PCMTD1: variants seen among roughly 807,000 people sequenced by gnomAD.
The protein encoded by PCMTD1 is protein-L-isoaspartate O-methyltransferase domain-containing protein 1.
A neutral mutation model predicts 37.6 loss-of-function variants in PCMTD1; 12 were observed. The ratio of observed to expected loss-of-function variants is 0.32; its 90% CI spans 0.20 to 0.52. PCMTD1 has a LOEUF of 0.52. Ranked by LOEUF, PCMTD1 falls within the 20% of genes least tolerant of loss-of-function variation. PCMTD1 has a pLI of 0.97. For synonymous variants in PCMTD1, 117 were observed against 135.8 expected, an observed-to-expected ratio of 0.86 and a Z score of 0.96; for missense variants, 235 against 421.3, an observed-to-expected ratio of 0.56 and a Z score of 3.87.
chr8:51,845,971 G>C (rs1315648340), intron 2 of PCMTD1, among the ~76,000 whole-genome samples: 1 of 152,076 alleles, frequency 6.6e-6, no homozygotes, highest in Non-Finnish European at 1.5e-5. Flanking sequence ...AAGTTCGCCT[G>C]AGTTTTCTAT....
chr8:51,824,199 C>A (rs754718327), intron 5 of PCMTD1, among the ~76,000 whole-genome samples: 10 of 152,154 alleles, frequency 6.6e-5, no homozygotes, highest in African/African-American at 1.2e-4. Context: ...CTGGCCAAGG[C>A]AATCAGACAA....
intron 1 of PCMTD1, among the ~76,000 whole-genome samples, chr8:51,873,180 T>C (rs16916926): frequency 0.025 from 3,789 of 152,234 alleles, 159 homozygotes; most frequent in African/African-American, 0.086. Context: ...TTAAGTACCA[T>C]AGGAATAGAG....
At chr8:51,828,770 C>T (rs1247954106) in intron 5 of PCMTD1, among the ~76,000 whole-genome samples, 1 of 152,142 alleles carries the variant, frequency 6.6e-6, no homozygotes, top group Non-Finnish European at 1.5e-5. Flanking sequence ...ATAATGCATA[C>T]ACAGCCAAGT....
chr8:51,869,635 A>G (rs1283479702), intron 1 of PCMTD1, among the ~76,000 whole-genome samples: 1 of 152,138 alleles, frequency 6.6e-6, no homozygotes, highest in African/African-American at 2.4e-5. Context: ...CAATTTTAGG[A>G]GTGTTCAAGT....
intron 5 of PCMTD1, among the ~76,000 whole-genome samples, chr8:51,825,389 C>T (rs2037907343): frequency 6.7e-6 from 1 of 148,236 alleles, no homozygotes; most frequent in Non-Finnish European, 1.5e-5. Context: ...TATGAACAGA[C>T]ACTTCTCAAA....
chr8:51,846,383 T>C (rs1355691443), intron 2 of PCMTD1, among the ~76,000 whole-genome samples: 1 of 152,158 alleles, frequency 6.6e-6, no homozygotes, highest in Non-Finnish European at 1.5e-5. Flanking sequence ...AAAAGGGGAA[T>C]GAATAGAGGA....
intron 1 of PCMTD1, among the ~76,000 whole-genome samples, chr8:51,862,250 T>C (rs947889185): frequency 2.6e-5 from 4 of 152,202 alleles, no homozygotes; most frequent in Non-Finnish European, 5.9e-5. Context: ...TGTTTATTAA[T>C]GCGCTTGTGT....
chr8:51,883,142 A>T (rs1030408078), intron 1 of PCMTD1, among the ~76,000 whole-genome samples: 1 of 152,196 alleles, frequency 6.6e-6, no homozygotes, highest in Admixed American at 6.5e-5. Context: ...GTCTCAAAAA[A>T]AAAGAACAGA....
chr8:51,890,366 G>A (rs1159561405), intron 1 of PCMTD1, among the ~76,000 whole-genome samples: 3 of 152,148 alleles, frequency 2.0e-5, no homozygotes, highest in Admixed American at 1.3e-4. Flanking sequence ...GCCTTTGCAT[G>A]TTCCAAAATT....
chr8:51,872,797 G>A (rs1339729027), intron 1 of PCMTD1, among the ~76,000 whole-genome samples: 1 of 152,114 alleles, frequency 6.6e-6, no homozygotes, highest in Non-Finnish European at 1.5e-5. Flanking sequence ...ACCAAAACAT[G>A]AGCTCATATC....
Position 51,899,029 on chromosome 8 carries a change from C to G in PCMTD1, c.-195G>C. 3 of 1,511,832 alleles carry G rather than the reference C, an allele frequency of 2.0e-6. No homozygotes were observed. Among genetic ancestry groups the G allele is most frequent in the East Asian group, 2.6e-5 (1 of 38,436 alleles). 93.7% of individuals were successfully genotyped at this position (1,511,832 alleles called of 1,614,324 possible). A position where few individuals can be genotyped will look rare whatever the true frequency, so the allele number is the denominator to read the frequency against. ...ACCACAATAACAACACGGACGCCAC[C>G]GCCGAGTGGAGAGGCGGGGCCCGGA... On this transcript the variant is annotated 5_prime_UTR_variant, in exon 1 of 6. Coordinates refer to ENST00000522514, the MANE Select transcript of PCMTD1 (RefSeq NM_052937.4).
At chr8:51,898,165 C>CTGACTTG (rs1563368992) in intron 1 of PCMTD1, among the ~76,000 whole-genome samples, 1 of 151,802 alleles carries the variant, frequency 6.6e-6, no homozygotes, top group East Asian at 1.9e-4. Flanking sequence ...GCAAATTCTT[C>CTGACTTG]TGATTTGTAA....
At chr8:51,874,552 A>G (rs1270753000) in intron 1 of PCMTD1, among the ~76,000 whole-genome samples, 2 of 152,212 alleles carry the variant, frequency 1.3e-5, no homozygotes. Flanking sequence ...TCATAAAACT[A>G]AAGACCTTTA....
chr8:51,827,563 T>C (rs1396914374), intron 5 of PCMTD1, among the ~76,000 whole-genome samples: 1 of 152,084 alleles, frequency 6.6e-6, no homozygotes, highest in African/African-American at 2.4e-5. Context: ...AAACACATAA[T>C]ATATATACAG....
chr8:51,820,783 T>TA, intron 5 of PCMTD1, 65 bp from the exon 6 acceptor site: 6 of 1,410,362 alleles, frequency 4.3e-6, no homozygotes, highest in Non-Finnish European at 4.7e-6. Context: ...ATTGTTTATT[T>TA]TTTTCATAGA....
chr8:51,890,707 C>T (rs1018125630), intron 1 of PCMTD1, among the ~76,000 whole-genome samples: 2 of 152,192 alleles, frequency 1.3e-5, no homozygotes, highest in Non-Finnish European at 2.9e-5. Context: ...CCTGTGGCTC[C>T]CATAACCAAC....
At chr8:51,833,426 T>C (rs1241280971) in intron 4 of PCMTD1, 92 bp downstream of exon 4, 5 of 1,024,654 alleles carry the variant, frequency 4.9e-6, no homozygotes, top group Non-Finnish European at 7.0e-6. Flanking sequence ...TCTTTAAAAG[T>C]TACAATATAC....
At chr8:51,831,405 A>C (rs1236810508) in intron 5 of PCMTD1, 39 bp downstream of exon 5, 3 of 1,596,894 alleles carry the variant, frequency 1.9e-6, no homozygotes, top group Admixed American at 1.7e-5. Context: ...CAAACACCAT[A>C]AGTCATAATT....
intron 1 of PCMTD1, among the ~76,000 whole-genome samples, chr8:51,887,759 T>TC (rs1402338399): frequency 6.6e-6 from 1 of 150,970 alleles, no homozygotes; most frequent in Non-Finnish European, 1.5e-5. Flanking sequence ...TTTTTTTTTT[T>TC]TGAGACAGAG....
Sources: gnomAD v4.1 joint callset for allele counts (sites outside exome capture counted in the v4.1 genomes callset) on GRCh38, gnomAD v4.1.1 for gene constraint, MANE v1.5 for transcripts, NCBI Gene and HGNC (gene_info 2026-07-23, HGNC 2026-07-21) for gene names.